PHLPP2: variants seen among roughly 807,000 people sequenced by gnomAD.
PHLPP2 encodes the protein PH domain and leucine rich repeat protein phosphatase 2, also known as PH domain leucine-rich repeat-containing protein phosphatase 2.
In PHLPP2, 66 loss-of-function variants were observed where a neutral mutation model predicts 124.9. That is an observed-to-expected ratio of 0.53 (90% CI 0.43 to 0.65). The LOEUF is 0.65. Ranked by LOEUF, PHLPP2 falls within the 30% of genes least tolerant of loss-of-function variation. PHLPP2 has a pLI of 0.00. For synonymous variants in PHLPP2, 681 were observed against 624.7 expected (o/e 1.09, Z -1.34); for missense variants, 1,685 against 1,600.4 (o/e 1.05, Z -0.90).
intron 2 of PHLPP2, among the ~76,000 whole-genome samples, chr16:71,708,644 C>T (rs190140971): frequency 2.6e-5 from 4 of 152,204 alleles, no homozygotes; most frequent in African/African-American, 7.2e-5. Flanking sequence ...AAATTAGCTG[C>T]GCCTGGTGTT....
intron 2 of PHLPP2, among the ~76,000 whole-genome samples, chr16:71,705,168 A>G (rs996110992): frequency 6.6e-6 from 1 of 152,246 alleles, no homozygotes; most frequent in African/African-American, 2.4e-5. Flanking sequence ...AAACACCTGT[A>G]AGAACCAAAC....
intron 5 of PHLPP2, among the ~76,000 whole-genome samples, chr16:71,682,963 G>A (rs2045017159): frequency 6.6e-6 from 1 of 152,144 alleles, no homozygotes; most frequent in Non-Finnish European, 1.5e-5. Context: ...CTGAGGTCAG[G>A]AGTTCGAGAC....
intron 8 of PHLPP2, chr16:71,678,545 TG>T: frequency 1.9e-6 from 1 of 517,228 alleles, no homozygotes. Flanking sequence ...GAGGCTGAGG[TG>T]GGAGAATCGC....
In PHLPP2 at chr16:71,703,894, T is replaced by C. The variant is rs2045253643; in HGVS notation, c.285-1163A>G. On this transcript the variant is annotated intron_variant, in intron 2 of 18. Transcript: ENST00000568954. ...ATTATTATTCTAAAAAATTTTAAGA[T>C]TGGAATCAATTTTAGAATAAAAATA... 2.6e-5 allele frequency among the ~76,000 whole-genome samples: 4 copies of C among 152,268 alleles called. 1 individual carries two copies. Among genetic ancestry groups the C allele is most frequent in the East Asian group, 3.9e-4 (2 of 5,190 alleles).
chr16:71,661,257 G>C (rs1220294944), intron 13 of PHLPP2, among the ~76,000 whole-genome samples: 1 of 151,824 alleles, frequency 6.6e-6, no homozygotes, highest in Non-Finnish European at 1.5e-5. Flanking sequence ...TTTTAGTAGA[G>C]ACAGGGTTTC....
chr16:71,688,729 G>T (rs1234694795), intron 4 of PHLPP2, among the ~76,000 whole-genome samples: 2 of 148,712 alleles, frequency 1.3e-5, no homozygotes, highest in African/African-American at 5.0e-5. Context: ...CCCCAGCCTT[G>T]TCCTCATTCA....
chr16:71,656,475 GAAC>G, intron 16 of PHLPP2, 93 bp downstream of exon 16: 2 of 713,010 alleles, frequency 2.8e-6, no homozygotes, highest in South Asian at 1.6e-5. Flanking sequence ...GTGTACAACA[GAAC>G]AACATGGCCT....
chr16:71,686,354 G>C (rs928656033), intron 4 of PHLPP2, among the ~76,000 whole-genome samples: 1 of 151,834 alleles, frequency 6.6e-6, no homozygotes, highest in Non-Finnish European at 1.5e-5. Context: ...TTATTTTTTT[G>C]TAGAGACAGA....
At chr16:71,660,626 G>A (rs1352170380) in intron 13 of PHLPP2, among the ~76,000 whole-genome samples, 4 of 151,840 alleles carry the variant, frequency 2.6e-5, no homozygotes, top group South Asian at 4.2e-4. Flanking sequence ...GGATGGTCTC[G>A]ATCTCCTGAC....
intron 2 of PHLPP2, among the ~76,000 whole-genome samples, chr16:71,711,366 G>C (rs1395639244): frequency 6.6e-6 from 1 of 151,248 alleles, no homozygotes; most frequent in African/African-American, 2.4e-5. Flanking sequence ...GATCCACTAA[G>C]TAGACAGGAG....
intron 13 of PHLPP2, 50 bp downstream of exon 13, chr16:71,663,849 T>C (rs1035545): frequency 0.36 from 496,421 of 1,363,054 alleles, 96,629 homozygotes; most frequent in East Asian, 0.71. Flanking sequence ...CTGACAAATA[T>C]AGAATTAATG....
chr16:71,672,905 C>T (rs1187780081), intron 9 of PHLPP2, among the ~76,000 whole-genome samples: 1 of 152,212 alleles, frequency 6.6e-6, no homozygotes, highest in Admixed American at 6.5e-5. Flanking sequence ...TAAACATATG[C>T]ATGCAGTATG....
intron 13 of PHLPP2, among the ~76,000 whole-genome samples, chr16:71,660,372 CAAA>C (rs1158155665): frequency 1.9e-4 from 5 of 27,000 alleles, no homozygotes; most frequent in African/African-American, 2.8e-4. Flanking sequence ...GACCTTGTCT[CAAA>C]AAAAAAAAAA....
At chr16:71,680,562 G>A (rs1401137227) in intron 6 of PHLPP2, among the ~76,000 whole-genome samples, 2 of 152,212 alleles carry the variant, frequency 1.3e-5, no homozygotes, top group African/African-American at 4.8e-5. Flanking sequence ...TCATTACTAA[G>A]AACTTTTTAT....
intron 1 of PHLPP2, among the ~76,000 whole-genome samples, chr16:71,721,982 G>A (rs2045401216): frequency 6.6e-6 from 1 of 152,144 alleles, no homozygotes; most frequent in Admixed American, 6.5e-5. Context: ...TCATGATTTG[G>A]TATTAGGTAT....
chr16:71,677,366 A>G (rs918109706), intron 8 of PHLPP2: 4 of 151,704 alleles, frequency 2.6e-5, no homozygotes, highest in African/African-American at 9.7e-5. Flanking sequence ...GGATGGAGCC[A>G]TACTTCTTCC....
chr16:71,645,074 T>A lies in PHLPP2; in HGVS notation c.*3816A>T, dbSNP rs994365486. 1.1e-4 allele frequency: 30 copies of A among 273,954 alleles called. No individual in the cohort carries two copies. Among genetic ancestry groups the A allele is most frequent in the African/African-American group, 6.6e-4 (29 of 43,620 alleles). The allele number at this position is 273,954 out of a possible 1,614,324, so 17.0% of individuals were successfully genotyped here. The stretch of plus-strand genomic sequence containing the variant: ...CATTTCAAAAATATCAAAAATACAC[T>A]ATAATGAGTCTTAAGACTACAATAC... On this transcript the variant is annotated 3_prime_UTR_variant, in exon 19 of 19. Transcript: ENST00000568954.
In PHLPP2 at chr16:71,649,654, G is replaced by T; in HGVS notation, c.3208C>A (p.Pro1070Thr). The change falls in exon 19 of 19, where the codon CCA (proline) becomes ACA (threonine). Residue 1070 changes from proline (P) to threonine (T), a missense_variant. Physicochemically the swap from Pro to Thr is conservative, Grantham distance 38. Coordinates refer to ENST00000568954, the MANE Select transcript of PHLPP2 (RefSeq NM_015020.3). ...GAGGCAATCCCACTGCTAGAGGATGGAGTGGCTGGCTTAGGGGCATCCTTG... is the reference window on the plus strand; with the variant it reads ...GAGGCAATCCCACTGCTAGAGGATGTAGTGGCTGGCTTAGGGGCATCCTTG... ...TIKDAPKPAT[P>T]SSSSGIASEF... 1 of 1,614,154 alleles carries T rather than the reference G, an allele frequency of 6.2e-7. No homozygotes were observed. Among genetic ancestry groups the T allele is most frequent in the Non-Finnish European group, 8.5e-7 (1 of 1,180,034 alleles).
rs71153651 is a variant in PHLPP2, at chr16:71,670,695, A to AACACACAC, written c.1533-1333_1533-1326dup. Among the ~76,000 whole-genome samples the AACACACAC allele has an allele frequency of 5.6e-3, 724 of 129,020 alleles. 10 individuals carry two copies. Among genetic ancestry groups the AACACACAC allele is most frequent in the African/African-American group, 0.02 (667 of 33,856 alleles). 84.6% of individuals were successfully genotyped at this position (129,020 alleles called of 152,430 possible). On this transcript the variant is annotated intron_variant, in intron 10 of 18. Transcript: ENST00000568954. ...ACAGACTAAGAAAAAAGAGGCTGAA[A>AACACACAC]ACACACACACACACACACACACACA...
Sources: allele counts gnomAD v4.1 joint callset (sites outside exome capture counted in the v4.1 genomes callset), GRCh38; gene constraint gnomAD v4.1.1; transcripts MANE v1.5; gene names NCBI Gene and HGNC (gene_info 2026-07-23, HGNC 2026-07-21).